The following GRIA4 variants were observed in gnomAD, a reference collection of about 807,000 sequenced individuals.
The protein encoded by GRIA4 is glutamate ionotropic receptor AMPA type subunit 4, also known as glutamate receptor 4.
A neutral mutation model predicts 104.0 loss-of-function variants in GRIA4; 34 were observed. The ratio of observed to expected loss-of-function variants is 0.33; its 90% CI spans 0.25 to 0.44. The LOEUF is 0.44. Ranked by LOEUF, GRIA4 falls within the 20% of genes least tolerant of loss-of-function variation. The pLI, the probability that GRIA4 is intolerant of heterozygous loss-of-function variation, is 1.00. For missense variants in GRIA4, 750 were observed against 1,096.5 expected, an observed-to-expected ratio of 0.68 and a Z score of 4.46; for synonymous variants, 386 against 381.9, an observed-to-expected ratio of 1.01 and a Z score of -0.13.
intron 3 of GRIA4, among the ~76,000 whole-genome samples, chr11:105,735,285 G>C (rs906595135): frequency 3.9e-5 from 6 of 151,990 alleles, no homozygotes; most frequent in Non-Finnish European, 7.4e-5. Flanking sequence ...AGTGAACCAT[G>C]GATGTTTGTA....
At chr11:105,633,407 A>G (rs192302325) in intron 3 of GRIA4, among the ~76,000 whole-genome samples, 2 of 152,262 alleles carry the variant, frequency 1.3e-5, no homozygotes, top group Non-Finnish European at 2.9e-5. Context: ...GTCTATATCT[A>G]TTTTTCCTTT....
intron 3 of GRIA4, among the ~76,000 whole-genome samples, chr11:105,699,279 A>G (rs1953398549): frequency 6.6e-6 from 1 of 152,136 alleles, no homozygotes; most frequent in South Asian, 2.1e-4. Flanking sequence ...AATCTTTTGT[A>G]GGATGTCCCC....
chr11:105,666,767 T>C (rs950836973), intron 3 of GRIA4, among the ~76,000 whole-genome samples: 2 of 152,006 alleles, frequency 1.3e-5, no homozygotes, highest in African/African-American at 4.8e-5. Context: ...CTGATCATTG[T>C]TGTGCCTTGC....
At chr11:105,759,750 G>C (rs1940513319) in intron 4 of GRIA4, among the ~76,000 whole-genome samples, 1 of 152,120 alleles carries the variant, frequency 6.6e-6, no homozygotes, top group Admixed American at 6.6e-5. Context: ...ATTTGGGTCT[G>C]AGCATAACTT....
At chr11:105,778,656 G>C (rs993506084) in intron 4 of GRIA4, among the ~76,000 whole-genome samples, 3 of 152,182 alleles carry the variant, frequency 2.0e-5, no homozygotes. Flanking sequence ...AGTGAGCTGA[G>C]ATCAGGCCAC....
chr11:105,809,615 T>C (rs1195835560), intron 4 of GRIA4, among the ~76,000 whole-genome samples: 3 of 152,038 alleles, frequency 2.0e-5, no homozygotes, highest in Admixed American at 1.3e-4. Context: ...TATCTGATGG[T>C]TTTATAAGGG....
At chr11:105,879,982 GC>G (rs1055198038) in intron 5 of GRIA4, among the ~76,000 whole-genome samples, 69 of 152,180 alleles carry the variant, frequency 4.5e-4, no homozygotes, top group African/African-American at 1.6e-3. Context: ...ATCACTTAAT[GC>G]CTATATTTAT....
chr11:105,621,754 G>C (rs941797453), intron 3 of GRIA4, among the ~76,000 whole-genome samples: 2 of 151,616 alleles, frequency 1.3e-5, no homozygotes, highest in African/African-American at 4.8e-5. Context: ...AAATAATTAA[G>C]ATTTATGCTT....
chr11:105,735,609 GACTTTTTATCTCT>G (rs1374880517), intron 3 of GRIA4, among the ~76,000 whole-genome samples: 1 of 151,954 alleles, frequency 6.6e-6, no homozygotes, highest in Non-Finnish European at 1.5e-5. Context: ...TATTTGAATG[GACTTTTTATCTCT>G]ACTTTTTATC....
intron 13 of GRIA4, among the ~76,000 whole-genome samples, chr11:105,928,771 A>T (rs1947791629): frequency 6.6e-6 from 1 of 152,068 alleles, no homozygotes; most frequent in Non-Finnish European, 1.5e-5. Flanking sequence ...AAAGTAACTC[A>T]CTGTAAAGCT....
chr11:105,880,433 A>G (rs1279856964), intron 5 of GRIA4, among the ~76,000 whole-genome samples: 1 of 152,178 alleles, frequency 6.6e-6, no homozygotes, highest in Non-Finnish European at 1.5e-5. Flanking sequence ...CAAGGAATCA[A>G]ACAGCTGAAT....
At chr11:105,813,857 A>G (rs1162029732) in intron 4 of GRIA4, among the ~76,000 whole-genome samples, 1 of 152,118 alleles carries the variant, frequency 6.6e-6, no homozygotes, top group East Asian at 1.9e-4. Flanking sequence ...AAAATAAATA[A>G]GAGGACATGA....
intron 3 of GRIA4, among the ~76,000 whole-genome samples, chr11:105,723,602 G>A (rs1012379701): frequency 6.6e-6 from 1 of 151,976 alleles, no homozygotes; most frequent in Non-Finnish European, 1.5e-5. Context: ...CTTAATTTTG[G>A]CATGAATTAG....
intron 3 of GRIA4, among the ~76,000 whole-genome samples, chr11:105,634,468 G>GAAAGAAA (rs1951134673): frequency 5.1e-4 from 48 of 94,340 alleles, no homozygotes; most frequent in African/African-American, 1.8e-3. Context: ...AGAAAGAAAG[G>GAAAGAAA]GAAAGAAAGA....
At chr11:105,853,168 CAATT>C (rs1944881437) in intron 4 of GRIA4, among the ~76,000 whole-genome samples, 1 of 152,150 alleles carries the variant, frequency 6.6e-6, no homozygotes, top group Non-Finnish European at 1.5e-5. Flanking sequence ...CTTGCACCCT[CAATT>C]AATGAGTCAG....
At chr11:105,687,120 T>C (rs1321581530) in intron 3 of GRIA4, among the ~76,000 whole-genome samples, 1 of 152,154 alleles carries the variant, frequency 6.6e-6, no homozygotes, top group African/African-American at 2.4e-5. Flanking sequence ...TTTGAAGAAT[T>C]AGTTATAAAT....
chr11:105,969,869 C>T (rs1270131451), intron 14 of GRIA4, among the ~76,000 whole-genome samples: 2 of 152,140 alleles, frequency 1.3e-5, no homozygotes, highest in Non-Finnish European at 1.5e-5. Flanking sequence ...GTCAGCTACT[C>T]TGGAAAATAC....
intron 3 of GRIA4, among the ~76,000 whole-genome samples, chr11:105,718,623 A>G (rs1444623894): frequency 2.0e-5 from 3 of 152,212 alleles, no homozygotes; most frequent in African/African-American, 7.2e-5. Context: ...AGTCCACTGT[A>G]GGTGGAACAA....
chr11:105,643,024 G>A (rs1365540024), intron 3 of GRIA4, among the ~76,000 whole-genome samples: 1 of 151,986 alleles, frequency 6.6e-6, no homozygotes, highest in African/African-American at 2.4e-5. Context: ...AGCAATAGGG[G>A]GAAAAGCCTC....
Sources: allele counts gnomAD v4.1 joint callset (sites outside exome capture counted in the v4.1 genomes callset), GRCh38; gene constraint gnomAD v4.1.1; transcripts MANE v1.5; gene names NCBI Gene and HGNC (gene_info 2026-07-23, HGNC 2026-07-21).